The following RAB43 variants were observed in gnomAD, a reference collection of about 807,000 sequenced individuals.
The protein encoded by RAB43 is RAB43, member RAS oncogene family, also known as ras-related protein Rab-43.
Under a neutral mutation model 18.8 loss-of-function variants are expected in RAB43, and 6 were observed. That is an observed-to-expected ratio of 0.32 (90% CI 0.17 to 0.63). The LOEUF (loss-of-function observed/expected upper bound fraction) is 0.63, where lower values mean the gene tolerates loss of function less well. Among genes scored for constraint, RAB43 ranks in the 30% least tolerant of loss-of-function variants. The pLI is 0.79. For missense variants in RAB43, 195 were observed against 289.1 expected (o/e 0.67, Z 2.36); for synonymous variants, 103 against 124.1 (o/e 0.83, Z 1.13).
At chr3:129,109,932 C>G (rs1434278095) in intron 1 of RAB43, among the ~76,000 whole-genome samples, 3 of 151,502 alleles carry the variant, frequency 2.0e-5, no homozygotes, top group African/African-American at 7.3e-5. Flanking sequence ...TGGTGCGATC[C>G]TGGCTCACTG....
intron 1 of RAB43, among the ~76,000 whole-genome samples, chr3:129,102,931 C>T (rs1170496360): frequency 6.6e-6 from 1 of 152,178 alleles, no homozygotes; most frequent in Non-Finnish European, 1.5e-5. Flanking sequence ...AACCAGAAAC[C>T]ATCTTACCAT....
chr3:129,121,153 C>A (rs1269243886), intron 1 of RAB43, 133 bp downstream of exon 1: 2 of 738,872 alleles, frequency 2.7e-6, no homozygotes, highest in East Asian at 3.8e-5. Context: ...TGCTCCGACC[C>A]GAGGAAGGAA....
intron 2 of RAB43, chr3:129,092,727 C>A: frequency 2.6e-6 from 1 of 383,004 alleles, no homozygotes; most frequent in Non-Finnish European, 4.7e-6. Flanking sequence ...GAGGCTGAGG[C>A]GGGTGGATCA....
chr3:129,092,440 G>A (rs893604506), intron 2 of RAB43: 3 of 670,474 alleles, frequency 4.5e-6, no homozygotes, highest in Non-Finnish European at 8.1e-6. Context: ...TGCTGAAGCA[G>A]GGTAATGGGT....
intron 1 of RAB43, among the ~76,000 whole-genome samples, chr3:129,105,096 C>A (rs1934677448): frequency 6.6e-6 from 1 of 152,194 alleles, no homozygotes; most frequent in African/African-American, 2.4e-5. Flanking sequence ...GGAGACAGGA[C>A]TTGTGGGACC....
At chr3:129,096,949 C>T (rs1177539493) in intron 1 of RAB43, among the ~76,000 whole-genome samples, 1 of 152,036 alleles carries the variant, frequency 6.6e-6, no homozygotes, top group Non-Finnish European at 1.5e-5. Flanking sequence ...CCCATCTCTA[C>T]TAAAAATACA....
At position 129,094,981 on chromosome 3, in the gene RAB43, C is replaced by T. The variant is rs746344634; in HGVS notation, c.388+5G>A. The stretch of plus-strand genomic sequence containing the variant: ...ATTTGTGGTCCCGAGGAATCCCCAA[C>T]TCACCGATCAGCAGCTGCACAATGT... On this transcript the variant is annotated splice_donor_5th_base_variant and intron_variant, in intron 2 of 2. Transcript: ENST00000315150. 5.6e-6 allele frequency: 9 copies of T among 1,610,234 alleles called. No homozygotes were observed. Among genetic ancestry groups the T allele is most frequent in the Non-Finnish European group, 7.6e-6 (9 of 1,177,714 alleles).
chr3:129,096,342 A>G (rs938197423), intron 1 of RAB43, among the ~76,000 whole-genome samples: 2 of 152,192 alleles, frequency 1.3e-5, no homozygotes, highest in African/African-American at 4.8e-5. Flanking sequence ...TGTGCCAAAT[A>G]AGACTCCTCT....
chr3:129,093,406 T>C (rs1412433968), intron 2 of RAB43, among the ~76,000 whole-genome samples: 1 of 151,944 alleles, frequency 6.6e-6, no homozygotes, highest in Non-Finnish European at 1.5e-5. Context: ...GGTCAGGAGA[T>C]CGAGACCATC....
chr3:129,094,094 C>T (rs1933858254), intron 2 of RAB43, among the ~76,000 whole-genome samples: 1 of 152,210 alleles, frequency 6.6e-6, no homozygotes, highest in Non-Finnish European at 1.5e-5. Context: ...ATCCTTGGAC[C>T]AGCAAGGTGG....
intron 1 of RAB43, among the ~76,000 whole-genome samples, chr3:129,101,233 A>C (rs1403292738): frequency 6.6e-6 from 1 of 152,256 alleles, no homozygotes; most frequent in Non-Finnish European, 1.5e-5. Flanking sequence ...AGCTATTATA[A>C]TTTTGTGGCA....
intron 1 of RAB43, among the ~76,000 whole-genome samples, chr3:129,117,026 T>TA (rs1171923600): frequency 2.0e-5 from 3 of 151,892 alleles, no homozygotes; most frequent in African/African-American, 2.4e-5. Context: ...ACTGCAGCAA[T>TA]AAAAAAATAT....
At chr3:129,093,322 G>C (rs1933805708) in intron 2 of RAB43, among the ~76,000 whole-genome samples, 1 of 152,072 alleles carries the variant, frequency 6.6e-6, no homozygotes, top group Non-Finnish European at 1.5e-5. Context: ...GGATAAATGG[G>C]AATTGGTGGC....
At chr3:129,102,154 T>G (rs1256009844) in intron 1 of RAB43, among the ~76,000 whole-genome samples, 1 of 152,180 alleles carries the variant, frequency 6.6e-6, no homozygotes, top group Non-Finnish European at 1.5e-5. Flanking sequence ...TCATGCACCT[T>G]GTAAAGTCCT....
chr3:129,109,270 C>T (rs1419056993), intron 1 of RAB43, among the ~76,000 whole-genome samples: 2 of 151,918 alleles, frequency 1.3e-5, no homozygotes, highest in African/African-American at 4.8e-5. Flanking sequence ...ATTAGCCGGG[C>T]GTGGTGGCGG....
intron 1 of RAB43, among the ~76,000 whole-genome samples, chr3:129,119,343 T>C (rs1038020034): frequency 6.6e-5 from 10 of 152,162 alleles, no homozygotes; most frequent in Admixed American, 1.3e-4. Context: ...GCCGGCAAAA[T>C]GAGGTGGTAA....
At chr3:129,109,022 A>C (rs1034335604) in intron 1 of RAB43, among the ~76,000 whole-genome samples, 1 of 152,084 alleles carries the variant, frequency 6.6e-6, no homozygotes, top group Non-Finnish European at 1.5e-5. Flanking sequence ...GTGAAAAGAC[A>C]ACATAAGGAA....
At chr3:129,110,804 A>G (rs946958935) in intron 1 of RAB43, among the ~76,000 whole-genome samples, 2 of 150,268 alleles carry the variant, frequency 1.3e-5, no homozygotes, top group African/African-American at 5.0e-5. Context: ...TGAGTATATT[A>G]AAAAACAAAA....
chr3:129,103,199 C>G (rs1008219251), intron 1 of RAB43, among the ~76,000 whole-genome samples: 5 of 152,312 alleles, frequency 3.3e-5, no homozygotes, highest in African/African-American at 1.2e-4. Flanking sequence ...GACACTTGGG[C>G]TCCAAGTCCC....
Sources: gnomAD v4.1 joint callset for allele counts (sites outside exome capture counted in the v4.1 genomes callset) on GRCh38, gnomAD v4.1.1 for gene constraint, MANE v1.5 for transcripts, NCBI Gene and HGNC (gene_info 2026-07-23, HGNC 2026-07-21) for gene names.